L2HGDH: variants seen among roughly 807,000 people sequenced by gnomAD.
L2HGDH encodes L-2-hydroxyglutarate dehydrogenase, mitochondrial.
A neutral mutation model predicts 51.5 loss-of-function variants in L2HGDH; 34 were observed. The ratio of observed to expected loss-of-function variants is 0.66; its 90% CI spans 0.50 to 0.88. L2HGDH has a LOEUF of 0.88. Ranked by LOEUF, L2HGDH falls within the 40% of genes least tolerant of loss-of-function variation. L2HGDH has a pLI of 0.00. For synonymous variants in L2HGDH, 198 were observed against 197.9 expected, an observed-to-expected ratio of 1.00 and a Z score of -0.01; for missense variants, 558 against 571.9, an observed-to-expected ratio of 0.98 and a Z score of 0.25.
intron 1 of L2HGDH, among the ~76,000 whole-genome samples, chr14:50,308,877 G>A (rs528960735): frequency 5.3e-5 from 8 of 152,240 alleles, no homozygotes; most frequent in African/African-American, 1.9e-4. Context: ...TCAACCCATG[G>A]TAAACGGTTA....
At chr14:50,287,223 G>A in intron 4 of L2HGDH, 1 of 985,166 alleles carries the variant, frequency 1.0e-6, no homozygotes, top group Non-Finnish European at 1.2e-6. Flanking sequence ...ACAATATCCA[G>A]ACTCATCCAT....
At chr14:50,287,421 C>T (rs919544978) in intron 4 of L2HGDH, 1 of 513,612 alleles carries the variant, frequency 1.9e-6, no homozygotes, top group Non-Finnish European at 2.5e-6. Flanking sequence ...TCAAACTCTA[C>T]AATTAAATTA....
chr14:50,268,718 G>A (rs1889497254), intron 7 of L2HGDH, among the ~76,000 whole-genome samples: 1 of 152,096 alleles, frequency 6.6e-6, no homozygotes, highest in African/African-American at 2.4e-5. Context: ...CATTTCCAGG[G>A]TAGTTCCAGA....
intron 9 of L2HGDH, among the ~76,000 whole-genome samples, chr14:50,256,462 T>C (rs1236425584): frequency 2.0e-5 from 3 of 150,190 alleles, no homozygotes; most frequent in African/African-American, 7.4e-5. Context: ...CAGTGAGCTA[T>C]GATCACATCA....
intron 5 of L2HGDH, 105 bp from the exon 6 acceptor site, chr14:50,278,659 A>G (rs1417483485): frequency 8.9e-6 from 6 of 673,244 alleles, no homozygotes; most frequent in Non-Finnish European, 1.1e-5. Context: ...TGTCATTACT[A>G]TGATTGCACC....
intron 3 of L2HGDH, among the ~76,000 whole-genome samples, chr14:50,300,831 T>C (rs116110419): frequency 0.013 from 1,925 of 151,586 alleles, 43 homozygotes; most frequent in African/African-American, 0.045. Context: ...AAATAATAAT[T>C]TTAACTTTTT....
intron 5 of L2HGDH, among the ~76,000 whole-genome samples, chr14:50,280,409 G>A (rs952355069): frequency 1.6e-4 from 25 of 152,008 alleles, no homozygotes; most frequent in Admixed American, 4.6e-4. Flanking sequence ...CAGGTGATCC[G>A]CCTGCCTTGG....
At chr14:50,272,443 C>T (rs949967729) in intron 6 of L2HGDH, among the ~76,000 whole-genome samples, 5 of 152,136 alleles carry the variant, frequency 3.3e-5, no homozygotes, top group Admixed American at 6.5e-5. Flanking sequence ...TGATGGTAAT[C>T]GAAGGGTCTA....
intron 1 of L2HGDH, among the ~76,000 whole-genome samples, chr14:50,308,800 C>T (rs373990108): frequency 3.9e-4 from 59 of 152,292 alleles, no homozygotes; most frequent in African/African-American, 1.3e-3. Flanking sequence ...ATACAAAAAC[C>T]TGAACATGAA....
intron 9 of L2HGDH, among the ~76,000 whole-genome samples, chr14:50,260,647 T>C (rs1161862956): frequency 6.6e-6 from 1 of 152,192 alleles, no homozygotes; most frequent in Non-Finnish European, 1.5e-5. Flanking sequence ...CAAGGATGTT[T>C]ATCATATTTC....
chr14:50,303,227 T>A (rs549112912), intron 1 of L2HGDH, among the ~76,000 whole-genome samples: 1 of 151,572 alleles, frequency 6.6e-6, no homozygotes, highest in Non-Finnish European at 1.5e-5. Context: ...ATCGAGACCA[T>A]CCTGGCCAAC....
chr14:50,243,858 G>C lies in L2HGDH; in HGVS notation c.*3200C>G. On this transcript the variant is annotated 3_prime_UTR_variant, in exon 10 of 10. Transcript: ENST00000267436. Reference sequence around the variant, plus strand: ...TCCCCCCACCCCACAACAGTCCCCAGAGTGTGATGTTCCCCTTCCTGTGTC... The same window carrying C: ...TCCCCCCACCCCACAACAGTCCCCACAGTGTGATGTTCCCCTTCCTGTGTC... 9.2e-6 allele frequency: 1 copy of C among 108,254 alleles called. No homozygotes were observed. The highest frequency in any genetic ancestry group is 2.8e-4 in the East Asian group (1 of 3,586). The allele number at this position is 108,254 out of a possible 1,614,324, so 6.7% of individuals were successfully genotyped here. A position where few individuals can be genotyped will look rare whatever the true frequency, so the allele number is the denominator to read the frequency against.
chr14:50,259,433 C>T (rs545118358), intron 9 of L2HGDH, among the ~76,000 whole-genome samples: 31 of 141,224 alleles, frequency 2.2e-4, no homozygotes, highest in African/African-American at 8.1e-4. Context: ...ACTATGTTGC[C>T]AAGGCTGCCC....
chr14:50,271,714 T>C (rs1047659194), intron 6 of L2HGDH, among the ~76,000 whole-genome samples: 1 of 150,220 alleles, frequency 6.7e-6, no homozygotes, highest in Non-Finnish European at 1.5e-5. Context: ...ATTAAAAAAA[T>C]AAATAAATAA....
chr14:50,310,936 CTTTTTTTTTTTTTT>C (rs34399906), intron 1 of L2HGDH, among the ~76,000 whole-genome samples: 1 of 82,242 alleles, frequency 1.2e-5, no homozygotes, highest in Non-Finnish European at 2.3e-5. Flanking sequence ...CTTTTCTTTT[CTTTTTTTTTTTTTT>C]TTTTTTTTTG....
At chr14:50,297,172 T>C (rs1490593737) in intron 3 of L2HGDH, among the ~76,000 whole-genome samples, 1 of 152,188 alleles carries the variant, frequency 6.6e-6, no homozygotes, top group African/African-American at 2.4e-5. Flanking sequence ...AAAGATTGAA[T>C]GCTTTCTCTA....
intron 4 of L2HGDH, among the ~76,000 whole-genome samples, chr14:50,287,728 C>T (rs1038882541): frequency 1.8e-5 from 2 of 112,574 alleles, no homozygotes; most frequent in African/African-American, 6.9e-5. Context: ...GACAGAGTCT[C>T]ACTCTGTTGC....
chr14:50,312,168 C>A lies in L2HGDH; in HGVS notation c.-18G>T, dbSNP rs1197701995. The stretch of plus-strand genomic sequence containing the variant: ...GGCACCATCCCCTACGCACGCTCCC[C>A]TCCCTCAGCGCTCAGAAGAAGCCAC... On this transcript the variant is annotated 5_prime_UTR_variant, in exon 1 of 10. The change creates a new upstream start codon in the 5' untranslated region. Coordinates refer to ENST00000267436, the MANE Select transcript of L2HGDH (RefSeq NM_024884.3). 2.5e-6 allele frequency: 4 copies of A among 1,608,344 alleles called. No homozygotes were observed. The highest frequency in any genetic ancestry group is 3.4e-6 in the Non-Finnish European group (4 of 1,179,110).
intron 5 of L2HGDH, among the ~76,000 whole-genome samples, chr14:50,282,963 G>A (rs1890357176): frequency 6.6e-6 from 1 of 151,978 alleles, no homozygotes; most frequent in Admixed American, 6.6e-5. Context: ...AATCACTTGA[G>A]CTCGGGAGTT....
Sources: gnomAD v4.1 joint callset for allele counts (sites outside exome capture counted in the v4.1 genomes callset) on GRCh38, gnomAD v4.1.1 for gene constraint, MANE v1.5 for transcripts, NCBI Gene and HGNC (gene_info 2026-07-23, HGNC 2026-07-21) for gene names.